Variants in MAST4 observed in about 807,000 individuals in gnomAD.
MAST4 encodes microtubule associated serine/threonine kinase family member 4.
Under a neutral mutation model 162.7 loss-of-function variants are expected in MAST4, and 89 were observed. The ratio of observed to expected loss-of-function variants is 0.55; its 90% CI spans 0.46 to 0.65. The LOEUF is 0.65. MAST4 is among the 30% of genes least tolerant of loss of function. The pLI, the probability that MAST4 is intolerant of heterozygous loss-of-function variation, is 0.00. For missense variants in MAST4, 3,153 were observed against 3,374.0 expected (o/e 0.93, Z 1.62); for synonymous variants, 1,479 against 1,361.1 (o/e 1.09, Z -1.91).
At chr5:66,649,348 G>A (rs911366364) in intron 1 of MAST4, among the ~76,000 whole-genome samples, 1 of 152,096 alleles carries the variant, frequency 6.6e-6, no homozygotes, top group East Asian at 1.9e-4. Flanking sequence ...CATGTGTTGG[G>A]CCAGGTTCTG....
chr5:67,019,171 T>G (rs907150492), intron 4 of MAST4, among the ~76,000 whole-genome samples: 8 of 152,308 alleles, frequency 5.3e-5, no homozygotes, highest in Non-Finnish European at 4.4e-5. Context: ...ACAAGAAGAC[T>G]GGGGCGGGTT....
chr5:66,989,412 T>A (rs560019379), intron 4 of MAST4, among the ~76,000 whole-genome samples: 1 of 152,164 alleles, frequency 6.6e-6, no homozygotes, highest in African/African-American at 2.4e-5. Context: ...GACCCAGTCA[T>A]TGATGAGTTG....
rs149652400 is a variant in MAST4, at chr5:67,152,732, T to A, written c.3391T>A (p.Ser1131Thr). 957 of 1,614,058 alleles carry A rather than the reference T, an allele frequency of 5.9e-4. 7 individuals are homozygous for A. The African/African-American group carries it at 0.011, about 18-fold the overall frequency. ...ACGAGATTCCTCTCCCAGCCGAGAT[T>A]CCTCAGCAGCTTCTGCCAGTCCACA... ...SSRDSSPSRD[S>T]SAASASPHQP... Residue 1131 changes from serine (S) to threonine (T), a missense_variant, in exon 25 of 29, where the codon TCC becomes ACC. Around this residue, in one of 7 missense-constraint regions of MAST4, gnomAD observed 619 missense variants for 744.2 expected, o/e 0.83. Transcript: ENST00000403625.
intron 4 of MAST4, among the ~76,000 whole-genome samples, chr5:66,986,016 G>A (rs774301514): frequency 1.3e-5 from 2 of 152,208 alleles, no homozygotes; most frequent in Non-Finnish European, 2.9e-5. Context: ...TAGAGGCTGG[G>A]ATACCAAGAT....
intron 1 of MAST4, among the ~76,000 whole-genome samples, chr5:66,605,552 C>T (rs1344028097): frequency 6.6e-6 from 1 of 152,144 alleles, no homozygotes; most frequent in East Asian, 1.9e-4. Context: ...GTTCAAAATA[C>T]TACATTGGTA....
chr5:67,088,647 C>G (rs968810183), intron 5 of MAST4, among the ~76,000 whole-genome samples: 7 of 152,004 alleles, frequency 4.6e-5, no homozygotes, highest in African/African-American at 1.7e-4. Flanking sequence ...CAAAATGAAT[C>G]CTGGATTACT....
chr5:66,607,474 ATTATAC>A (rs1335463393), intron 1 of MAST4, among the ~76,000 whole-genome samples: 17 of 152,234 alleles, frequency 1.1e-4, no homozygotes, highest in African/African-American at 3.9e-4. Context: ...ATTCATTAAA[ATTATAC>A]TTGTAGCAGT....
intron 4 of MAST4, among the ~76,000 whole-genome samples, chr5:66,935,416 T>G (rs559532548): frequency 6.6e-6 from 1 of 152,280 alleles, no homozygotes; most frequent in East Asian, 1.9e-4. Context: ...CCTTGCAACC[T>G]CATTACTACC....
chr5:66,857,814 G>A (rs868185886), intron 3 of MAST4, among the ~76,000 whole-genome samples: 3 of 151,876 alleles, frequency 2.0e-5, no homozygotes, highest in Non-Finnish European at 4.4e-5. Context: ...TTTACTTATG[G>A]TGTCGTTTGT....
chr5:66,886,311 G>A (rs1245217877), intron 3 of MAST4, among the ~76,000 whole-genome samples: 1 of 152,098 alleles, frequency 6.6e-6, no homozygotes, highest in Non-Finnish European at 1.5e-5. Context: ...TTTTCTGGTT[G>A]ATACACAATT....
At chr5:66,868,911 C>T (rs371592593) in intron 3 of MAST4, among the ~76,000 whole-genome samples, 10 of 152,028 alleles carry the variant, frequency 6.6e-5, no homozygotes, top group African/African-American at 2.2e-4. Flanking sequence ...TGCCCCCTGC[C>T]GAGTTCATGG....
At chr5:67,045,283 A>C (rs1432187013) in intron 4 of MAST4, among the ~76,000 whole-genome samples, 1 of 152,176 alleles carries the variant, frequency 6.6e-6, no homozygotes, top group African/African-American at 2.4e-5. Context: ...TACAATTCGA[A>C]GTTATGTTGT....
At chr5:66,801,275 C>T (rs1284614683) in intron 3 of MAST4, among the ~76,000 whole-genome samples, 4 of 152,042 alleles carry the variant, frequency 2.6e-5, no homozygotes, top group East Asian at 3.9e-4. Flanking sequence ...GAGGCAAATT[C>T]GGTTGCCACC....
chr5:66,723,535 G>A (rs78258111), intron 1 of MAST4, among the ~76,000 whole-genome samples: 1 of 152,130 alleles, frequency 6.6e-6, no homozygotes, highest in African/African-American at 2.4e-5. Context: ...AAACCTAATT[G>A]ATGAGAAAGA....
rs772861051 is a variant in MAST4, at chr5:67,165,914, T to C, written c.6735T>C (p.Ser2245=). Reference sequence around the variant, plus strand: ...GAGAGGGGAAGGGCCACAGTAAGAGTGGGCCGGATGTGTTTCCTGCTACCC... The same window carrying C: ...GAGAGGGGAAGGGCCACAGTAAGAGCGGGCCGGATGTGTTTCCTGCTACCC... ...SSREGKGHSK[S]GPDVFPATPG... The change falls in exon 29 of 29, where the codon AGT becomes AGC. Residue 2245 remains serine (S), a synonymous_variant. Transcript: ENST00000403625. The C allele has an allele frequency of 1.9e-6, 3 of 1,612,968 alleles. No individual in the cohort carries two copies. The highest frequency in any genetic ancestry group is 1.1e-5 in the South Asian group (1 of 91,052).
intron 1 of MAST4, among the ~76,000 whole-genome samples, chr5:66,747,422 A>G (rs1752836700): frequency 6.6e-6 from 1 of 152,326 alleles, no homozygotes; most frequent in East Asian, 1.9e-4. Flanking sequence ...TATCTAGTAC[A>G]TCTTCTAGTT....
chr5:67,120,800 G>A (rs188760032), intron 13 of MAST4, among the ~76,000 whole-genome samples: 1 of 152,312 alleles, frequency 6.6e-6, no homozygotes, highest in African/African-American at 2.4e-5. Flanking sequence ...TTGATTGCCT[G>A]GAAGTGTGGA....
chr5:67,076,715 G>A (rs1198851778), intron 5 of MAST4, among the ~76,000 whole-genome samples: 1 of 152,134 alleles, frequency 6.6e-6, no homozygotes, highest in Admixed American at 6.6e-5. Context: ...ATCTCTCTCA[G>A]ACATCGAAGC....
At chr5:66,654,199 G>A (rs1257544216) in intron 1 of MAST4, among the ~76,000 whole-genome samples, 2 of 152,226 alleles carry the variant, frequency 1.3e-5, no homozygotes, top group African/African-American at 4.8e-5. Flanking sequence ...CCTCTGAGGA[G>A]TAATGTTTAA....
Sources: allele counts gnomAD v4.1 joint callset (sites outside exome capture counted in the v4.1 genomes callset), GRCh38; gene constraint gnomAD v4.1.1; regional missense constraint gnomAD v4.1.1; transcripts MANE v1.5; gene names NCBI Gene and HGNC (gene_info 2026-07-23, HGNC 2026-07-21).